Variants in NME9 observed in about 807,000 individuals in gnomAD.
NME9 encodes NME/NM23 family member 9.
In NME9, 48 loss-of-function variants were observed where a neutral mutation model predicts 44.4. That is an observed-to-expected ratio of 1.08 (90% CI 0.86 to 1.37). The LOEUF is 1.37. NME9 is among the 40% of genes most tolerant of loss of function. NME9 has a pLI of 0.00. For missense variants in NME9, 325 were observed against 405.2 expected (o/e 0.80, Z 1.70); for synonymous variants, 139 against 147.1 (o/e 0.94, Z 0.40).
chr3:138,305,931 A>T, intron 8 of NME9, 73 bp downstream of exon 8: 2 of 994,238 alleles, frequency 2.0e-6, no homozygotes, highest in Non-Finnish European at 3.2e-6. Context: ...ACAAACTGAT[A>T]TCAATCTATA....
chr3:138,290,690 G>GT (rs1274819501), intron 8 of NME9: 2 of 1,263,776 alleles, frequency 1.6e-6, no homozygotes, highest in Non-Finnish European at 2.3e-6. Flanking sequence ...GGATTCTTTC[G>GT]TGAAAGGGTT....
intron 1 of NME9, 87 bp downstream of exon 1, chr3:138,329,216 C>T: frequency 8.5e-7 from 1 of 1,179,834 alleles, no homozygotes; most frequent in Admixed American, 2.1e-5. Flanking sequence ...AACAGAATGT[C>T]ACTTTTATAC....
intron 6 of NME9, among the ~76,000 whole-genome samples, chr3:138,308,945 GAAAAAA>G (rs1002890235): frequency 8.1e-4 from 43 of 52,900 alleles, no homozygotes; most frequent in African/African-American, 1.7e-3. Flanking sequence ...AATACTGAAA[GAAAAAA>G]AAAAAAAAAA....
chr3:138,270,663 T>C (rs1024127418), intron 8 of NME9, among the ~76,000 whole-genome samples: 1 of 152,108 alleles, frequency 6.6e-6, no homozygotes, highest in Non-Finnish European at 1.5e-5. Context: ...TTAATTAACA[T>C]GTGTATTACC....
At chr3:138,274,804 C>T (rs1415244665) in intron 8 of NME9, among the ~76,000 whole-genome samples, 1 of 152,190 alleles carries the variant, frequency 6.6e-6, no homozygotes, top group Non-Finnish European at 1.5e-5. Context: ...TCTACAGGAG[C>T]AGTCACCTTT....
At chr3:138,296,210 G>C, downstream of NME9, 1 of 269,656 alleles carries the variant, frequency 3.7e-6, no homozygotes, top group Non-Finnish European at 7.1e-6. Flanking sequence ...GAGTGAGAAT[G>C]AATATGTCTG....
At chr3:138,324,995 T>C (rs1333323738) in intron 1 of NME9, 65 bp from the exon 2 acceptor site, 1 of 1,302,464 alleles carries the variant, frequency 7.7e-7, no homozygotes, top group African/African-American at 1.5e-5. Context: ...ATTCAATCTA[T>C]TTGCTCTAGA....
chr3:138,303,472 A>AT (rs752707767), intron 10 of NME9, 35 bp downstream of exon 10: 1 of 1,571,510 alleles, frequency 6.4e-7, no homozygotes. Context: ...TGTATCTATG[A>AT]TTTAATAAAG....
chr3:138,284,370 A>T, intron 8 of NME9: 1 of 1,330,220 alleles, frequency 7.5e-7, no homozygotes, highest in Non-Finnish European at 1.1e-6. Context: ...CAAGCTCTTG[A>T]GACAGCTTGA....
At chr3:138,311,242 C>G (rs546663824) in intron 6 of NME9, among the ~76,000 whole-genome samples, 5 of 152,236 alleles carry the variant, frequency 3.3e-5, no homozygotes, top group Non-Finnish European at 7.4e-5. Context: ...AAGATCACAA[C>G]TGTAATAAAA....
chr3:138,315,424 A>G (rs2053001502), intron 5 of NME9, 103 bp downstream of exon 5: 1 of 739,594 alleles, frequency 1.4e-6, no homozygotes, highest in African/African-American at 1.7e-5. Context: ...GAAGCTGTCC[A>G]CCGACAGCTC....
intron 8 of NME9, among the ~76,000 whole-genome samples, chr3:138,270,618 GATAA>G (rs1299081690): frequency 6.6e-6 from 1 of 152,094 alleles, no homozygotes; most frequent in Non-Finnish European, 1.5e-5. Flanking sequence ...TGTTTTGAAA[GATAA>G]ATAGATTGTG....
intron 8 of NME9, chr3:138,274,593 A>G (rs757459248): frequency 1.4e-6 from 2 of 1,405,472 alleles, no homozygotes; most frequent in Non-Finnish European, 1.0e-6. Context: ...GTGAGCACAA[A>G]GGAAGTTCTT....
In NME9 at chr3:138,262,969, T is replaced by C. The variant is rs375204875; in HGVS notation, c.746-383A>G. Among the ~76,000 whole-genome samples, 64 of 152,298 alleles carry C rather than the reference T, an allele frequency of 4.2e-4. 1 individual carries two copies. In the East Asian group the frequency reaches 6.0e-3, roughly 14 times the overall value. Reference sequence around the variant, plus strand: ...TGCCTACAGAAGAGTGAGGGTTAAATTGGGTAATATAACATGCTTAGCACA... The same window carrying C: ...TGCCTACAGAAGAGTGAGGGTTAAACTGGGTAATATAACATGCTTAGCACA... On this transcript the variant is annotated intron_variant, in intron 8 of 8. Transcript: ENST00000317876.
At chr3:138,272,640 G>T (rs2048901477) in intron 8 of NME9, among the ~76,000 whole-genome samples, 1 of 152,196 alleles carries the variant, frequency 6.6e-6, no homozygotes. Flanking sequence ...ACTTTGGAAG[G>T]CCAAAGCAAG....
At chr3:138,319,990 C>T (rs184451403) in intron 2 of NME9, among the ~76,000 whole-genome samples, 1 of 152,124 alleles carries the variant, frequency 6.6e-6, no homozygotes, top group Admixed American at 6.5e-5. Flanking sequence ...TTTATGTAAT[C>T]CTTTGATAAC....
intron 1 of NME9, 62 bp from the exon 2 acceptor site, chr3:138,324,992 C>G (rs1560136211): frequency 1.5e-6 from 2 of 1,316,478 alleles, no homozygotes; most frequent in Non-Finnish European, 2.2e-6. Context: ...ACAATTCAAT[C>G]TATTTGCTCT....
chr3:138,314,452 A>G (rs1425656423), intron 5 of NME9, 45 bp from the exon 6 acceptor site: 2 of 1,179,956 alleles, frequency 1.7e-6, no homozygotes, highest in Non-Finnish European at 2.5e-6. Flanking sequence ...GCTAATTAAC[A>G]TTACCACTAA....
At chr3:138,284,645 C>T (rs1010663701) in intron 8 of NME9, 6 of 724,308 alleles carry the variant, frequency 8.3e-6, no homozygotes, top group Middle Eastern at 2.8e-4. Context: ...TCTGTGACTC[C>T]TCAGATTCAA....
Sources: gnomAD v4.1 joint callset for allele counts (sites outside exome capture counted in the v4.1 genomes callset) on GRCh38, gnomAD v4.1.1 for gene constraint, MANE v1.5 for transcripts, NCBI Gene and HGNC (gene_info 2026-07-23, HGNC 2026-07-21) for gene names.